The following ANKRD36C variants were observed in gnomAD, a reference collection of about 807,000 sequenced individuals.
ANKRD36C encodes the protein ankyrin repeat domain-containing protein 36C.
A neutral mutation model predicts 276.4 loss-of-function variants in ANKRD36C; 61 were observed. The ratio of observed to expected loss-of-function variants is 0.22; its 90% CI spans 0.18 to 0.27. The LOEUF (loss-of-function observed/expected upper bound fraction) is 0.27. Among genes scored for constraint, ANKRD36C ranks in the 10% least tolerant of loss-of-function variants. The probability of loss-of-function intolerance (pLI) is 1.00; values close to 1 mark genes in which losing one functional copy is unlikely to be tolerated. For synonymous variants in ANKRD36C, 483 were observed against 680.1 expected (o/e 0.71, Z 4.51); for missense variants, 1,447 against 2,032.3 (o/e 0.71, Z 5.54).
At chr2:95,914,953 T>G (rs1037978122) in intron 38 of ANKRD36C, among the ~76,000 whole-genome samples, 1 of 151,506 alleles carries the variant, frequency 6.6e-6, no homozygotes, top group Admixed American at 6.6e-5. Flanking sequence ...CGTTTCTTCA[T>G]CCACTCATGG....
At chr2:95,856,895 C>G (rs1011755472) in intron 62 of ANKRD36C, among the ~76,000 whole-genome samples, 3 of 152,062 alleles carry the variant, frequency 2.0e-5, no homozygotes, top group African/African-American at 4.8e-5. Context: ...CAAAAATAAT[C>G]TTTTATTTCA....
chr2:95,957,345 C>T (rs1162319668), intron 12 of ANKRD36C, among the ~76,000 whole-genome samples: 4 of 151,966 alleles, frequency 2.6e-5, no homozygotes, highest in African/African-American at 9.7e-5. Flanking sequence ...CTTTGACTTG[C>T]CTGACAATTC....
At chr2:95,956,912 T>A in intron 12 of ANKRD36C, 96 bp from the exon 13 acceptor site, 2 of 1,200,666 alleles carry the variant, frequency 1.7e-6, no homozygotes, top group Non-Finnish European at 2.3e-6. Flanking sequence ...TCCTATAATC[T>A]CAGCTACTCA....
At chr2:95,931,141 C>T (rs556217260) in intron 24 of ANKRD36C, among the ~76,000 whole-genome samples, 2 of 151,718 alleles carry the variant, frequency 1.3e-5, no homozygotes, top group African/African-American at 4.8e-5. Context: ...TGTATTGTGA[C>T]ATCTGTACAA....
At chr2:95,910,609 A>G (rs756985121) in intron 42 of ANKRD36C, 41 bp from the exon 45 acceptor site, 1 of 1,602,706 alleles carries the variant, frequency 6.2e-7, no homozygotes, top group Admixed American at 1.7e-5. Flanking sequence ...ATATGTAAAT[A>G]TGACAAAGAT....
At chr2:95,861,706 T>C (rs1185252250) in intron 60 of ANKRD36C, among the ~76,000 whole-genome samples, 1 of 152,092 alleles carries the variant, frequency 6.6e-6, no homozygotes, top group Non-Finnish European at 1.5e-5. Flanking sequence ...TTGGGACTAA[T>C]AGCAATCACA....
intron 44 of ANKRD36C, among the ~76,000 whole-genome samples, chr2:95,893,126 TC>T (rs1375950806): frequency 6.6e-6 from 1 of 151,370 alleles, no homozygotes; most frequent in Non-Finnish European, 1.5e-5. Flanking sequence ...TCTCCTTAGT[TC>T]TCCTACAGTG....
chr2:95,871,166 C>T lies in ANKRD36C; in HGVS notation c.3541-3585G>A, dbSNP rs915191466. ...ATTCAGATTCAGGAAATACAGACAA[C>T]GCCACAAAAATACCCCTTGAGAAGA... On this transcript the variant is annotated intron_variant, in intron 59 of 66. Transcript: ENST00000456556. 5.5e-3 allele frequency among the ~76,000 whole-genome samples: 844 copies of T among 152,102 alleles called. 6 individuals carry two copies. Among genetic ancestry groups the T allele is most frequent in the African/African-American group, 0.019 (777 of 41,470 alleles).
At chr2:95,973,023 T>C (rs1325070957) in intron 6 of ANKRD36C, among the ~76,000 whole-genome samples, 1 of 151,798 alleles carries the variant, frequency 6.6e-6, no homozygotes, top group Non-Finnish European at 1.5e-5. Flanking sequence ...GGCAGGAAGA[T>C]TGCTTGAGAT....
chr2:95,894,022 G>A (rs555676160), intron 44 of ANKRD36C, among the ~76,000 whole-genome samples: 146 of 151,570 alleles, frequency 9.6e-4, no homozygotes, highest in Non-Finnish European at 1.4e-3. Flanking sequence ...GAACAAATGT[G>A]ATCTAAAATC....
chr2:95,970,445 G>A (rs1000966310), intron 6 of ANKRD36C, among the ~76,000 whole-genome samples: 1 of 152,044 alleles, frequency 6.6e-6, no homozygotes, highest in Non-Finnish European at 1.5e-5. Context: ...AGAAATACTG[G>A]GAATGGTATG....
At chr2:95,897,150 A>C in intron 44 of ANKRD36C, 120 bp downstream of exon 60, 17 of 1,100,150 alleles carry the variant, frequency 1.5e-5, no homozygotes, top group Non-Finnish European at 1.9e-5. Flanking sequence ...GAAATGAAGA[A>C]TCTCAGGACT....
intron 58 of ANKRD36C, among the ~76,000 whole-genome samples, chr2:95,879,283 A>G (rs1486500293): frequency 6.6e-6 from 1 of 152,152 alleles, no homozygotes; most frequent in African/African-American, 2.4e-5. Context: ...GAGAAAAATC[A>G]CCATTACCAC....
intron 60 of ANKRD36C, among the ~76,000 whole-genome samples, chr2:95,862,042 T>A (rs1239733007): frequency 6.6e-6 from 1 of 151,100 alleles, no homozygotes; most frequent in Non-Finnish European, 1.5e-5. Context: ...CAACAAAACA[T>A]AACAATCCTA....
At chr2:95,880,655 T>C in intron 56 of ANKRD36C, 32 bp from the exon 77 acceptor site, 2 of 1,515,044 alleles carry the variant, frequency 1.3e-6, no homozygotes, top group Non-Finnish European at 1.8e-6. Flanking sequence ...TAATCAATCA[T>C]ATGTAAATAT....
At chr2:95,892,244 A>C (rs1342435557) in intron 44 of ANKRD36C, among the ~76,000 whole-genome samples, 1 of 151,534 alleles carries the variant, frequency 6.6e-6, no homozygotes, top group Non-Finnish European at 1.5e-5. Flanking sequence ...CATGCAACAA[A>C]TCAAAAGGAT....
intron 1 of ANKRD36C, among the ~76,000 whole-genome samples, chr2:95,988,515 T>A (rs1188948220): frequency 1.3e-5 from 2 of 151,916 alleles, no homozygotes; most frequent in African/African-American, 4.8e-5. Context: ...GGTGGAAGAG[T>A]CCTGAGAGAT....
chr2:95,918,744 T>C (rs560737834), intron 34 of ANKRD36C, among the ~76,000 whole-genome samples: 25 of 151,478 alleles, frequency 1.7e-4, no homozygotes, highest in Non-Finnish European at 3.3e-4. Context: ...ATATCATCAA[T>C]TATCAATTTT....
At chr2:95,987,392 T>C (rs1344226008) in intron 1 of ANKRD36C, among the ~76,000 whole-genome samples, 186 bp from the exon 2 acceptor site, 1 of 152,142 alleles carries the variant, frequency 6.6e-6, no homozygotes, top group East Asian at 1.9e-4. Context: ...TTCAGTTTAA[T>C]TGGGGCTTAA....
Sources: allele counts gnomAD v4.1 joint callset (sites outside exome capture counted in the v4.1 genomes callset), GRCh38; gene constraint gnomAD v4.1.1; transcripts MANE v1.5; gene names NCBI Gene and HGNC (gene_info 2026-07-23, HGNC 2026-07-21).